The following HDAC9 variants were observed in gnomAD, a reference collection of about 807,000 sequenced individuals.
The protein encoded by HDAC9 is MEF-2 interacting transcription repressor (MITR) protein.
Under a neutral mutation model 139.4 loss-of-function variants are expected in HDAC9, and 41 were observed. The ratio of observed to expected loss-of-function variants is 0.29; its 90% CI spans 0.23 to 0.38. HDAC9 has a LOEUF of 0.38. Among genes scored for constraint, HDAC9 ranks in the 10% least tolerant of loss-of-function variants. The probability of loss-of-function intolerance (pLI) is 1.00; values close to 1 mark genes in which losing one functional copy is unlikely to be tolerated. For synonymous variants in HDAC9, 517 were observed against 476.2 expected (o/e 1.09, Z -1.12); for missense variants, 1,147 against 1,297.0 (o/e 0.88, Z 1.78).
intron 2 of HDAC9, among the ~76,000 whole-genome samples, chr7:18,235,042 T>G (rs1793722929): frequency 6.6e-6 from 1 of 152,176 alleles, no homozygotes. Flanking sequence ...GAGCTCTTGT[T>G]CAGATTCTTC....
At chr7:18,754,858 T>C (rs1788744643) in intron 14 of HDAC9, among the ~76,000 whole-genome samples, 1 of 152,098 alleles carries the variant, frequency 6.6e-6, no homozygotes. Flanking sequence ...TTAAATCAAA[T>C]CTAAGTAAGG....
chr7:18,762,157 C>T lies in HDAC9; in HGVS notation c.2044C>T (p.Arg682Ter). 1 of 1,613,300 alleles carries T rather than the reference C, an allele frequency of 6.2e-7. No homozygotes were observed. The highest frequency in any genetic ancestry group is 8.5e-7 in the Non-Finnish European group (1 of 1,179,542). ...QETGLLNKCERIQGRKASLEE... is the reference protein window; with the variant it reads ...QETGLLNKCE ...GTTGGCTTCTGCTATTTTCTTGCAGCGAATTCAAGGTCGAAAAGCCAGCCT... is the reference window on the plus strand; with the variant it reads ...GTTGGCTTCTGCTATTTTCTTGCAGTGAATTCAAGGTCGAAAAGCCAGCCT... The change falls in exon 15 of 26, where the codon CGA (arginine) becomes TGA (stop). Residue 682 changes from arginine to a stop codon, truncating the protein, a stop_gained and splice_region_variant. Coordinates refer to ENST00000686413, the MANE Select transcript of HDAC9 (RefSeq NM_178425.4). LOFTEE classifies it high-confidence loss of function.
chr7:18,251,655 A>C (rs1562795331), intron 2 of HDAC9, among the ~76,000 whole-genome samples: 1 of 152,158 alleles, frequency 6.6e-6, no homozygotes, highest in Non-Finnish European at 1.5e-5. Flanking sequence ...GAGCTTTTGA[A>C]TTTTTTCTGG....
At chr7:18,571,814 A>T (rs1028595615) in intron 2 of HDAC9, among the ~76,000 whole-genome samples, 2 of 151,996 alleles carry the variant, frequency 1.3e-5, no homozygotes, top group African/African-American at 4.8e-5. Context: ...CACACATGGC[A>T]TTTCAGCTTT....
chr7:18,130,818 C>T, intron 1 of HDAC9, among the ~76,000 whole-genome samples: 1 of 152,044 alleles, frequency 6.6e-6, no homozygotes, highest in African/African-American at 2.4e-5. Context: ...CATCTTTGCT[C>T]CCAAGTTACC....
chr7:18,793,828 C>T (rs1792545613), intron 17 of HDAC9, among the ~76,000 whole-genome samples: 2 of 152,012 alleles, frequency 1.3e-5, no homozygotes, highest in African/African-American at 2.4e-5. Flanking sequence ...TGTGTATAAG[C>T]TCAGAATACC....
At chr7:18,569,789 C>T (rs891587205) in intron 2 of HDAC9, among the ~76,000 whole-genome samples, 1 of 152,048 alleles carries the variant, frequency 6.6e-6, no homozygotes. Flanking sequence ...TGTGGTAGAA[C>T]CTTCTGTTTC....
At chr7:18,187,555 C>T (rs771499369) in intron 2 of HDAC9, among the ~76,000 whole-genome samples, 1 of 152,188 alleles carries the variant, frequency 6.6e-6, no homozygotes, top group Non-Finnish European at 1.5e-5. Context: ...CTCTATTCCC[C>T]TCCACATCAA....
chr7:18,132,834 T>C (rs1785108202), intron 1 of HDAC9, among the ~76,000 whole-genome samples: 1 of 152,160 alleles, frequency 6.6e-6, no homozygotes, highest in African/African-American at 2.4e-5. Flanking sequence ...CAAATGATAT[T>C]GTTTCTTTAT....
chr7:18,437,235 T>G (rs1275452606), intron 1 of HDAC9, among the ~76,000 whole-genome samples: 1 of 152,038 alleles, frequency 6.6e-6, no homozygotes, highest in Non-Finnish European at 1.5e-5. Context: ...TGTGTGTGTT[T>G]ATATACATAT....
At chr7:18,150,666 G>C (rs1033096252) in intron 1 of HDAC9, among the ~76,000 whole-genome samples, 2 of 152,170 alleles carry the variant, frequency 1.3e-5, no homozygotes, top group African/African-American at 4.8e-5. Context: ...CAACTTTTCT[G>C]TCTGGGTATT....
At chr7:18,607,009 A>G (rs73063125) in intron 6 of HDAC9, among the ~76,000 whole-genome samples, 12,343 of 152,268 alleles carry the variant, frequency 0.081, 850 homozygotes, top group East Asian at 0.33. Flanking sequence ...AATAATACAA[A>G]TGTATAATTT....
chr7:18,159,914 A>G (rs1213320775), intron 1 of HDAC9, among the ~76,000 whole-genome samples: 1 of 152,174 alleles, frequency 6.6e-6, no homozygotes, highest in African/African-American at 2.4e-5. Context: ...TGATATTTGT[A>G]AGTCAAATTT....
At chr7:18,492,733 A>G (rs141686271), upstream of HDAC9, among the ~76,000 whole-genome samples, 38 of 151,980 alleles carry the variant, frequency 2.5e-4, no homozygotes, top group African/African-American at 7.7e-4. Flanking sequence ...AGTTTTATAA[A>G]TACCCCAAAA....
intron 2 of HDAC9, among the ~76,000 whole-genome samples, chr7:18,558,699 A>C (rs530556027): frequency 1.3e-5 from 2 of 152,194 alleles, no homozygotes; most frequent in South Asian, 2.1e-4. Flanking sequence ...CTCACTGACC[A>C]CCACTTGAGC....
intron 1 of HDAC9, among the ~76,000 whole-genome samples, chr7:18,397,801 A>G (rs993172983): frequency 6.6e-6 from 1 of 152,176 alleles, no homozygotes; most frequent in Non-Finnish European, 1.5e-5. Flanking sequence ...GAAATTCCAC[A>G]TTCCTGAGTG....
Position 18,999,467 on chromosome 7 carries a change from T to A in HDAC9, c.*3405T>A, listed in dbSNP as rs1786643414. On this transcript the variant is annotated 3_prime_UTR_variant, in exon 26 of 26. Transcript: ENST00000686413. Reference sequence around the variant, plus strand: ...TTCAATCAGCATTTTAAAACTTTTTTATTTTTGAGTCAGAGTTTTGCTCTT... The same window carrying A: ...TTCAATCAGCATTTTAAAACTTTTTAATTTTTGAGTCAGAGTTTTGCTCTT... The A allele has an allele frequency of 2.0e-5, 3 of 152,240 alleles. No individual in the cohort carries two copies. The highest frequency in any genetic ancestry group is 2.0e-4 in the Admixed American group (3 of 15,276). 9.4% of individuals were successfully genotyped at this position (152,240 alleles called of 1,614,324 possible).
At chr7:18,386,081 A>T (rs1785903374) in intron 1 of HDAC9, among the ~76,000 whole-genome samples, 1 of 152,134 alleles carries the variant, frequency 6.6e-6, no homozygotes, top group Non-Finnish European at 1.5e-5. Flanking sequence ...TTCCTGATAT[A>T]TCTGTCTACC....
chr7:18,937,030 A>ATTTTTTT (rs768350029), intron 23 of HDAC9, among the ~76,000 whole-genome samples: 13 of 96,698 alleles, frequency 1.3e-4, no homozygotes, highest in East Asian at 3.2e-4. Flanking sequence ...GCTCTTGTTA[A>ATTTTTTT]TTTTTTTTTT....
Sources: gnomAD v4.1 joint callset for allele counts (sites outside exome capture counted in the v4.1 genomes callset) on GRCh38, gnomAD v4.1.1 for gene constraint, MANE v1.5 for transcripts, NCBI Gene and HGNC (gene_info 2026-07-23, HGNC 2026-07-21) for gene names.